The following AUH variants were observed in gnomAD, a reference collection of about 807,000 sequenced individuals.
AUH encodes AU RNA binding methylglutaconyl-CoA hydratase, also known as methylglutaconyl-CoA hydratase, mitochondrial.
In AUH, 29 loss-of-function variants were observed where a neutral mutation model predicts 42.3. The ratio of observed to expected loss-of-function variants is 0.69; its 90% confidence interval spans 0.51 to 0.93. The LOEUF is 0.93. Ranked by LOEUF, AUH falls within the 40% of genes least tolerant of loss-of-function variation. The probability of loss-of-function intolerance (pLI) is 0.00; values close to 1 mark genes in which losing one functional copy is unlikely to be tolerated. For missense variants in AUH, 452 were observed against 438.1 expected (o/e 1.03, Z -0.28); for synonymous variants, 174 against 166.4 (o/e 1.05, Z -0.35).
intron 6 of AUH, among the ~76,000 whole-genome samples, chr9:91,275,529 G>A (rs1825472205): frequency 6.6e-6 from 1 of 152,186 alleles, no homozygotes; most frequent in Non-Finnish European, 1.5e-5. Flanking sequence ...ATAAAAAAAG[G>A]TAATGCAAAA....
At chr9:91,315,133 T>C (rs1829052262) in intron 4 of AUH, among the ~76,000 whole-genome samples, 1 of 152,186 alleles carries the variant, frequency 6.6e-6, no homozygotes, top group Non-Finnish European at 1.5e-5. Context: ...GAGACAGGGT[T>C]TCACCACGTT....
intron 6 of AUH, among the ~76,000 whole-genome samples, chr9:91,259,508 T>C (rs1386039030): frequency 6.6e-6 from 1 of 152,064 alleles, no homozygotes; most frequent in African/African-American, 2.4e-5. Context: ...CCTATTTCAC[T>C]AGTTTCCTCT....
intron 4 of AUH, among the ~76,000 whole-genome samples, chr9:91,322,936 C>T (rs911385217): frequency 2.0e-5 from 3 of 152,162 alleles, no homozygotes; most frequent in African/African-American, 4.8e-5. Flanking sequence ...CGCTAACATA[C>T]ATCAATTATA....
intron 4 of AUH, among the ~76,000 whole-genome samples, chr9:91,317,349 A>G (rs1473195837): frequency 6.6e-6 from 1 of 152,112 alleles, no homozygotes; most frequent in Non-Finnish European, 1.5e-5. Flanking sequence ...ATTTGTCTCC[A>G]TTTATTTTTT....
At chr9:91,349,921 A>C (rs543792587) in intron 3 of AUH, among the ~76,000 whole-genome samples, 20 of 152,316 alleles carry the variant, frequency 1.3e-4, no homozygotes, top group Middle Eastern at 3.4e-3. Flanking sequence ...GTTCTAATCT[A>C]CAAGAAAGAA....
intron 3 of AUH, among the ~76,000 whole-genome samples, chr9:91,341,542 CTCT>C (rs1831102364): frequency 6.6e-6 from 1 of 152,236 alleles, no homozygotes; most frequent in Non-Finnish European, 1.5e-5. Flanking sequence ...GAACAAATCA[CTCT>C]TCTTAACCAC....
chr9:91,241,302 A>C (rs1451966877), intron 6 of AUH, among the ~76,000 whole-genome samples: 1 of 152,182 alleles, frequency 6.6e-6, no homozygotes, highest in Non-Finnish European at 1.5e-5. Flanking sequence ...CCTACAGTAA[A>C]AATATCATGC....
chr9:91,312,586 C>G (rs1046744474), intron 4 of AUH, among the ~76,000 whole-genome samples: 2 of 152,142 alleles, frequency 1.3e-5, no homozygotes, highest in African/African-American at 4.8e-5. Context: ...AAATAGCCGG[C>G]GTGGTGGCTC....
intron 5 of AUH, among the ~76,000 whole-genome samples, chr9:91,297,567 A>G (rs1282754073): frequency 6.6e-6 from 1 of 150,914 alleles, no homozygotes; most frequent in African/African-American, 2.5e-5. Flanking sequence ...GGAGGACCTC[A>G]GATTCTTTTC....
intron 7 of AUH, 85 bp from the exon 8 acceptor site, chr9:91,217,412 C>T (rs905934967): frequency 1.1e-5 from 15 of 1,422,356 alleles, no homozygotes; most frequent in African/African-American, 1.4e-5. Context: ...GAATTCCCAC[C>T]ACTGGATCCA....
intron 6 of AUH, among the ~76,000 whole-genome samples, chr9:91,283,312 CAAAAT>C (rs1826127330): frequency 6.6e-6 from 1 of 152,120 alleles, no homozygotes; most frequent in Non-Finnish European, 1.5e-5. Flanking sequence ...GGACGTATCT[CAAAAT>C]AATAAGAGCT....
At position 91,347,211 on chromosome 9, in the gene AUH, T is replaced by TG. The variant is rs1198067336; in HGVS notation, c.418+8671_418+8672insC. On this transcript the variant is annotated intron_variant, in intron 3 of 9. Coordinates refer to ENST00000375731, the MANE Select transcript of AUH (RefSeq NM_001698.3). ...TGCCACCACACCCAGTTAAGAGGGT[T>TG]TTTTGTTTGTTTGTTTGTTTGTTTG... 5.0e-4 allele frequency among the ~76,000 whole-genome samples: 37 copies of TG among 73,578 alleles called. 1 individual carries two copies. In the South Asian group the frequency reaches 7.7e-3, roughly 15 times the overall value. 48.3% of individuals were successfully genotyped at this position (73,578 alleles called of 152,430 possible).
intron 6 of AUH, among the ~76,000 whole-genome samples, chr9:91,283,214 C>T (rs374526015): frequency 6.6e-6 from 1 of 152,190 alleles, no homozygotes; most frequent in African/African-American, 2.4e-5. Flanking sequence ...ACAAAAACCA[C>T]ATGATTATCT....
rs757688660 is a variant in AUH at position 91,356,168 on chromosome 9, GA to G, written c.263-14del. The G allele has an allele frequency of 5.6e-6, 9 of 1,611,538 alleles. No individual in the cohort carries two copies. The South Asian group carries it at 6.6e-5, about 12-fold the overall frequency. On this transcript the variant is annotated splice_polypyrimidine_tract_variant and intron_variant, in intron 1 of 9. Transcript: ENST00000375731. ...AGCACCACAATTCCTAGTTAAAGGG[GA>G]AAAAAAGTACAAGCACTTGAGTGAG...
At chr9:91,274,305 C>T (rs1362330775) in intron 6 of AUH, among the ~76,000 whole-genome samples, 2 of 152,178 alleles carry the variant, frequency 1.3e-5, no homozygotes, top group African/African-American at 2.4e-5. Context: ...ACTGTTAATA[C>T]AGTAGTCAAT....
intron 6 of AUH, among the ~76,000 whole-genome samples, chr9:91,270,013 C>A (rs955285724): frequency 4.6e-5 from 7 of 152,158 alleles, no homozygotes; most frequent in Admixed American, 2.6e-4. Flanking sequence ...GCATCAAACT[C>A]TATCAAGTGA....
rs117420843 is a variant in AUH, at chr9:91,324,884, G to A, written c.505+434C>T. 3.3e-5 allele frequency among the ~76,000 whole-genome samples: 5 copies of A among 151,418 alleles called. No individual in the cohort carries two copies. The East Asian group carries it at 5.8e-4, about 18-fold the overall frequency. On this transcript the variant is annotated intron_variant, in intron 4 of 9. Transcript: ENST00000375731. ...GAGGAAAAAAATGTTCATTAATGAA[G>A]AAATAATATAAAATTTTGGATAAGA...
intron 6 of AUH, among the ~76,000 whole-genome samples, chr9:91,240,254 C>A (rs2131335686): frequency 6.6e-6 from 1 of 152,300 alleles, no homozygotes; most frequent in African/African-American, 2.4e-5. Context: ...TCTGTCCATT[C>A]TTGGCCAGCT....
At chr9:91,284,622 AAAAC>A (rs777313949) in intron 6 of AUH, among the ~76,000 whole-genome samples, 6 of 152,214 alleles carry the variant, frequency 3.9e-5, no homozygotes, top group East Asian at 3.8e-4. Context: ...TACGAGAAAA[AAAAC>A]AAACAACCTC....
Sources: gnomAD v4.1 joint callset for allele counts (sites outside exome capture counted in the v4.1 genomes callset) on GRCh38, gnomAD v4.1.1 for gene constraint, MANE v1.5 for transcripts, NCBI Gene and HGNC (gene_info 2026-07-23, HGNC 2026-07-21) for gene names.